FOXP1: variants seen among roughly 807,000 people sequenced by gnomAD.
The protein encoded by FOXP1 is forkhead box P1.
A neutral mutation model predicts 98.2 loss-of-function variants in FOXP1; 15 were observed. The ratio of observed to expected loss-of-function variants is 0.15; its 90% CI spans 0.10 to 0.24. The LOEUF (loss-of-function observed/expected upper bound fraction) is 0.24. FOXP1 is among the 10% of genes least tolerant of loss of function. The pLI, the probability that FOXP1 is intolerant of heterozygous loss-of-function variation, is 1.00. For synonymous variants in FOXP1, 371 were observed against 314.5 expected (o/e 1.18, Z -1.90); for missense variants, 633 against 848.5 (o/e 0.75, Z 3.15).
rs2048322101 is a variant in FOXP1 at position 71,583,120 on chromosome 3, GA to G, written c.-447+450del. Among the ~76,000 whole-genome samples, 7 of 152,074 alleles carry G rather than the reference GA, an allele frequency of 4.6e-5. 1 individual carries two copies. The South Asian group carries it at 1.4e-3, about 31-fold the overall frequency. ...CCACCGGACGCCAACGCCGGACATC[GA>G]AAGTTGCGCCAGGCGGCCTGGGCTT... On this transcript the variant is annotated intron_variant, in intron 1 of 20. Transcript: ENST00000649528.
At chr3:71,237,282 T>C (rs529593083) in intron 5 of FOXP1, among the ~76,000 whole-genome samples, 1 of 127,142 alleles carries the variant, frequency 7.9e-6, no homozygotes, top group African/African-American at 3.0e-5. Flanking sequence ...TTTTACTTAA[T>C]ATATCCAAAA....
intron 5 of FOXP1, among the ~76,000 whole-genome samples, chr3:71,267,380 G>A (rs769969071): frequency 5.3e-5 from 8 of 152,070 alleles, no homozygotes; most frequent in Admixed American, 2.0e-4. Flanking sequence ...TAAAAGAAAG[G>A]ACTCGATGGC....
chr3:71,169,159 C>T (rs775469005), intron 6 of FOXP1, among the ~76,000 whole-genome samples: 2 of 152,182 alleles, frequency 1.3e-5, no homozygotes, highest in Admixed American at 6.5e-5. Flanking sequence ...CTGTATTTGA[C>T]TATTTCATCG....
intron 5 of FOXP1, among the ~76,000 whole-genome samples, chr3:71,289,188 G>A (rs1322864890): frequency 2.0e-5 from 3 of 151,988 alleles, no homozygotes; most frequent in African/African-American, 7.3e-5. Flanking sequence ...TTACAGGAAT[G>A]AGCCACCATG....
At chr3:71,521,600 A>C (rs1038136245) in intron 2 of FOXP1, among the ~76,000 whole-genome samples, 19 of 152,104 alleles carry the variant, frequency 1.2e-4, no homozygotes, top group African/African-American at 4.6e-4. Flanking sequence ...TAAAATTGTA[A>C]ATCAATGACC....
intron 6 of FOXP1, among the ~76,000 whole-genome samples, chr3:71,152,402 C>G (rs1454635654): frequency 1.3e-5 from 2 of 152,292 alleles, no homozygotes; most frequent in East Asian, 3.9e-4. Flanking sequence ...TGTGGAATGA[C>G]AGATATGTGT....
At chr3:71,072,329 CAATGAATG>C (rs1247220645) in intron 7 of FOXP1, among the ~76,000 whole-genome samples, 1 of 151,980 alleles carries the variant, frequency 6.6e-6, no homozygotes, top group African/African-American at 2.4e-5. Context: ...CCCATCTCTA[CAATGAATG>C]AATGAATGAA....
intron 4 of FOXP1, among the ~76,000 whole-genome samples, chr3:71,348,553 G>GCGCGCGCGCGCACGCGCGCGCA: frequency 7.6e-6 from 1 of 130,732 alleles, no homozygotes; most frequent in African/African-American, 3.1e-5. Flanking sequence ...GTGTGTGCGT[G>GCGCGCGCGCGCACGCGCGCGCA]CGCGCGCGCA....
chr3:71,320,693 T>A (rs895439460), intron 4 of FOXP1, among the ~76,000 whole-genome samples: 1 of 152,152 alleles, frequency 6.6e-6, no homozygotes. Context: ...ACTTAATAAA[T>A]CTTGAATGAA....
intron 7 of FOXP1, among the ~76,000 whole-genome samples, chr3:71,093,898 T>C (rs1369333759): frequency 3.9e-5 from 6 of 152,192 alleles, no homozygotes; most frequent in Admixed American, 3.9e-4. Flanking sequence ...AATCTTCTCA[T>C]GAGAATGCTG....
intron 3 of FOXP1, among the ~76,000 whole-genome samples, chr3:71,404,120 C>CTTTTTCTT (rs2082135901): frequency 8.8e-4 from 55 of 62,706 alleles, no homozygotes; most frequent in Non-Finnish European, 1.2e-3. Context: ...TTTTCTTTTT[C>CTTTTTCTT]TTTTTTTTTT....
intron 5 of FOXP1, among the ~76,000 whole-genome samples, chr3:71,247,421 C>A (rs138947009): frequency 6.6e-6 from 1 of 152,260 alleles, no homozygotes; most frequent in East Asian, 1.9e-4. Context: ...TCACACCTTA[C>A]GGAATGCCAT....
intron 14 of FOXP1, among the ~76,000 whole-genome samples, chr3:70,982,308 A>C (rs1232807085): frequency 6.6e-6 from 1 of 152,178 alleles, no homozygotes; most frequent in Non-Finnish European, 1.5e-5. Flanking sequence ...ATGAAAGCAT[A>C]TGTGCTTTGT....
In FOXP1 at chr3:71,582,397, C is replaced by G. The variant is rs977988221; in HGVS notation, c.-446-700G>C. Reference sequence around the variant, plus strand: ...GGCGCCGCCGCCACCGCCGTGGTCCCCACTCGAAGCGCACGCCGCCTCGGC... The same window carrying G: ...GGCGCCGCCGCCACCGCCGTGGTCCGCACTCGAAGCGCACGCCGCCTCGGC... On this transcript the variant is annotated intron_variant, in intron 1 of 20. Transcript: ENST00000649528. The G allele has an allele frequency of 2.5e-5, 25 of 982,868 alleles. No homozygotes were observed. In the African/African-American group the frequency reaches 3.8e-4, roughly 15 times the overall value. The allele number at this position is 982,868 out of a possible 1,614,324, so 60.9% of individuals were successfully genotyped here.
intron 17 of FOXP1, 118 bp from the exon 18 acceptor site, chr3:70,972,794 A>C: frequency 9.9e-7 from 1 of 1,014,008 alleles, no homozygotes; most frequent in Non-Finnish European, 1.5e-6. Flanking sequence ...AGCTGTAGCT[A>C]CCACCCCCGT....
At chr3:71,023,453 T>C (rs1424016225) in intron 11 of FOXP1, among the ~76,000 whole-genome samples, 3 of 152,182 alleles carry the variant, frequency 2.0e-5, no homozygotes, top group Non-Finnish European at 4.4e-5. Context: ...TTTAGCCCTA[T>C]CTACTAATAA....
chr3:71,554,209 G>C (rs569539965), intron 2 of FOXP1, among the ~76,000 whole-genome samples: 1 of 152,148 alleles, frequency 6.6e-6, no homozygotes, highest in East Asian at 1.9e-4. Context: ...AAGAAATTAG[G>C]CAGGCATGGT....
intron 6 of FOXP1, chr3:71,197,790 C>T: frequency 8.0e-7 from 1 of 1,244,872 alleles, no homozygotes; most frequent in Admixed American, 2.2e-5. Context: ...CTCTTTTTCT[C>T]TCTTTTATTC....
intron 6 of FOXP1, among the ~76,000 whole-genome samples, chr3:71,145,621 G>A (rs757085920): frequency 1.8e-4 from 28 of 152,110 alleles, no homozygotes; most frequent in Non-Finnish European, 3.2e-4. Context: ...TATTCCCACC[G>A]GCAATGCATG....
Sources: gnomAD v4.1 joint callset for allele counts (sites outside exome capture counted in the v4.1 genomes callset) on GRCh38, gnomAD v4.1.1 for gene constraint, MANE v1.5 for transcripts, NCBI Gene and HGNC (gene_info 2026-07-23, HGNC 2026-07-21) for gene names.